ASCC2: variants seen among roughly 807,000 people sequenced by gnomAD.
ASCC2 encodes the protein activating signal cointegrator 1 complex subunit 2.
A neutral mutation model predicts 93.5 loss-of-function variants in ASCC2; 42 were observed. The observed-to-expected ratio is 0.45, with a 90% confidence interval of 0.35 to 0.58. The LOEUF is 0.58. Among genes scored for constraint, ASCC2 ranks in the 20% least tolerant of loss-of-function variants. The pLI, the probability that ASCC2 is intolerant of heterozygous loss-of-function variation, is 0.00. For synonymous variants in ASCC2, 364 were observed against 384.2 expected (o/e 0.95, Z 0.62); for missense variants, 859 against 977.6 (o/e 0.88, Z 1.62).
chr22:29,807,739 T>A (rs1206230537), intron 9 of ASCC2, among the ~76,000 whole-genome samples: 1 of 151,868 alleles, frequency 6.6e-6, no homozygotes, highest in Non-Finnish European at 1.5e-5. Context: ...CAAAACCCCA[T>A]CTCTACAAAA....
At position 29,800,994 on chromosome 22, in the gene ASCC2, T is replaced by G; in HGVS notation, c.1685A>C (p.Lys562Thr). 1 of 1,594,434 alleles carries G rather than the reference T, an allele frequency of 6.3e-7. No homozygotes were observed. The highest frequency in any genetic ancestry group is 8.6e-7 in the Non-Finnish European group (1 of 1,164,232). Residue 562 changes from lysine (K) to threonine (T), a missense_variant, in exon 15 of 20, where the codon AAG becomes ACG. Coordinates refer to ENST00000307790, the MANE Select transcript of ASCC2 (RefSeq NM_032204.5). ...SVDLSRVHKG[K>T]STRKEENTRS... ...CCCCATGGCCCACTGCACTCACCTC[T>G]TGCCCTTGTGCACCCGGCTCAGGTC...
intron 8 of ASCC2, chr22:29,809,926 C>G (rs1341958452): frequency 3.3e-5 from 5 of 152,146 alleles, no homozygotes; most frequent in Non-Finnish European, 7.4e-5. Flanking sequence ...ATTATTCTCT[C>G]TGGTACATCC....
chr22:29,815,004 G>T (rs180686638), intron 6 of ASCC2, among the ~76,000 whole-genome samples: 1 of 152,330 alleles, frequency 6.6e-6, no homozygotes, highest in East Asian at 1.9e-4. Flanking sequence ...GGATTAAAAA[G>T]ACAACCTGGG....
chr22:29,794,152 T>C (rs2058126790), intron 15 of ASCC2, among the ~76,000 whole-genome samples: 2 of 150,934 alleles, frequency 1.3e-5, no homozygotes, highest in Non-Finnish European at 3.0e-5. Context: ...CCCAAAGTGC[T>C]GGGATTACAG....
intron 5 of ASCC2, among the ~76,000 whole-genome samples, chr22:29,818,686 G>A (rs887989127): frequency 3.3e-5 from 5 of 152,176 alleles, no homozygotes; most frequent in East Asian, 1.9e-4. Flanking sequence ...TGATCTGGAC[G>A]ATTAGGAGCC....
intron 1 of ASCC2, chr22:29,832,601 T>G: frequency 3.3e-6 from 1 of 303,802 alleles, no homozygotes; most frequent in South Asian, 5.0e-5. Context: ...TTTTTTTTTT[T>G]TTTGAGATGG....
intron 13 of ASCC2, among the ~76,000 whole-genome samples, chr22:29,802,738 T>G (rs2059241216): frequency 6.6e-6 from 1 of 151,154 alleles, no homozygotes; most frequent in Non-Finnish European, 1.5e-5. Context: ...AGCTCAGGAG[T>G]TTGAGACCAG....
At chr22:29,794,329 T>A (rs571984739) in intron 15 of ASCC2, among the ~76,000 whole-genome samples, 1 of 152,056 alleles carries the variant, frequency 6.6e-6, no homozygotes, top group African/African-American at 2.4e-5. Context: ...CCGTCTCTAC[T>A]AAAAATACAA....
Position 29,832,236 on chromosome 22 carries a change from C to A in ASCC2, c.81+9G>T. The A allele has an allele frequency of 1.1e-5, 17 of 1,608,374 alleles. No individual in the cohort carries two copies. Among genetic ancestry groups the A allele is most frequent in the Non-Finnish European group, 1.4e-5 (16 of 1,175,056 alleles). On this transcript the variant is annotated intron_variant, in intron 2 of 19. Transcript: ENST00000307790. ...TATCAGGCTGAATGGCCTTAAGTGA[C>A]CGGCTCACCAGCGCTGGTGAAGTCC... is the stretch of plus-strand genomic sequence containing the variant.
Position 29,793,390 on chromosome 22 carries a change from G to C in ASCC2, c.1889C>G (p.Ala630Gly). The C allele has an allele frequency of 6.2e-7, 1 of 1,613,894 alleles. No individual in the cohort carries two copies. Among genetic ancestry groups the C allele is most frequent in the Non-Finnish European group, 8.5e-7 (1 of 1,180,036 alleles). ...YDGNQVGAND[A>G]DSDDELISRR... ...GCTGATGAGCTCGTCATCAGAGTCT[G>C]CATCATTGGCGCCCACCTGGTTGCC... Residue 630 changes from alanine to glycine, a missense_variant, in exon 17 of 20, where the codon GCA becomes GGA. Physicochemically the swap from Ala to Gly is moderately conservative, Grantham distance 60. Coordinates refer to ENST00000307790, the MANE Select transcript of ASCC2 (RefSeq NM_032204.5).
intron 8 of ASCC2, 40 bp from the exon 9 acceptor site, chr22:29,808,225 T>C (rs1488718429): frequency 6.3e-7 from 1 of 1,585,468 alleles, no homozygotes; most frequent in African/African-American, 1.3e-5. Context: ...GATTAGTTCA[T>C]AAATACCACA....
chr22:29,817,315 A>T (rs967903301), intron 5 of ASCC2, among the ~76,000 whole-genome samples: 3 of 151,898 alleles, frequency 2.0e-5, no homozygotes, highest in Non-Finnish European at 2.9e-5. Flanking sequence ...TGTTCTTCCT[A>T]AAAAAAACCC....
At chr22:29,802,630 C>T (rs900707584) in intron 13 of ASCC2, among the ~76,000 whole-genome samples, 2 of 151,858 alleles carry the variant, frequency 1.3e-5, no homozygotes, top group African/African-American at 4.8e-5. Context: ...AAGACCCCAT[C>T]TGTTCAAAAA....
In ASCC2 at chr22:29,825,022, G is replaced by C; in HGVS notation, c.411+65C>G. 1.5e-6 allele frequency: 2 copies of C among 1,296,384 alleles called. No homozygotes were observed. The highest frequency in any genetic ancestry group is 2.0e-6 in the Non-Finnish European group (2 of 986,150). 80.3% of individuals were successfully genotyped at this position (1,296,384 alleles called of 1,614,324 possible). A position where few individuals can be genotyped will look rare whatever the true frequency, so the allele number is the denominator to read the frequency against. The stretch of plus-strand genomic sequence containing the variant: ...GCTTCCAGAGCCTTCCTTCCCAGGG[G>C]TGGAGAGCCCGGCACAGAGGTGTCG... On this transcript the variant is annotated intron_variant, in intron 4 of 19. Transcript: ENST00000307790. The surrounding 1 kb of genome is among the most constrained non-coding windows in gnomAD (Gnocchi z 4.9).
chr22:29,800,895 T>C (rs544715383), intron 15 of ASCC2, 96 bp downstream of exon 15: 4 of 1,445,210 alleles, frequency 2.8e-6, no homozygotes, highest in African/African-American at 2.8e-5. Flanking sequence ...TGATACTCCA[T>C]GGCCAATTCT....
At chr22:29,818,689 T>C (rs893967733) in intron 5 of ASCC2, among the ~76,000 whole-genome samples, 3 of 152,110 alleles carry the variant, frequency 2.0e-5, no homozygotes, top group Non-Finnish European at 2.9e-5. Flanking sequence ...TCTGGACGAT[T>C]AGGAGCCCAG....
intron 15 of ASCC2, among the ~76,000 whole-genome samples, chr22:29,798,485 T>C (rs1362969798): frequency 1.3e-5 from 2 of 152,186 alleles, no homozygotes; most frequent in East Asian, 3.9e-4. Context: ...GACCACGAAG[T>C]GAGGCCCCAA....
intron 8 of ASCC2, among the ~76,000 whole-genome samples, chr22:29,808,870 G>A (rs531399534): frequency 1.1e-4 from 17 of 151,212 alleles, no homozygotes; most frequent in Non-Finnish European, 2.1e-4. Context: ...TGTAATCCTA[G>A]CACTCTGGGA....
At chr22:29,807,025 G>A (rs2059750690) in intron 9 of ASCC2, 121 bp from the exon 10 acceptor site, 1 of 708,664 alleles carries the variant, frequency 1.4e-6, no homozygotes, top group African/African-American at 1.8e-5. Context: ...GATCACTTGA[G>A]CCCCAGGAGT....
Sources: allele counts gnomAD v4.1 joint callset (sites outside exome capture counted in the v4.1 genomes callset), GRCh38; gene constraint gnomAD v4.1.1; non-coding constraint Gnocchi (gnomAD v3.1); transcripts MANE v1.5; gene names NCBI Gene and HGNC (gene_info 2026-07-23, HGNC 2026-07-21).